The following KANK1 variants were observed in gnomAD, a reference collection of about 807,000 sequenced individuals.
KANK1 encodes KN motif and ankyrin repeat domain-containing protein 1.
KANK1 carries 109 observed loss-of-function variants against 106.2 expected under a neutral mutation model. The observed-to-expected ratio is 1.03, with a 90% CI of 0.88 to 1.20. KANK1 has a LOEUF of 1.20. Ranked by LOEUF, KANK1 falls within the 50% of genes most tolerant of loss-of-function variation. The probability of loss-of-function intolerance (pLI) is 0.00; values close to 1 mark genes in which losing one functional copy is unlikely to be tolerated. For synonymous variants in KANK1, 873 were observed against 652.2 expected (o/e 1.34, Z -5.16); for missense variants, 2,399 against 1,710.7 (o/e 1.40, Z -7.10).
intron 1 of KANK1, among the ~76,000 whole-genome samples, chr9:633,880 G>C (rs1836425263): frequency 6.6e-6 from 1 of 152,144 alleles, no homozygotes; most frequent in Non-Finnish European, 1.5e-5. Flanking sequence ...CCAACTCCTA[G>C]CTTCAAGTGA....
At chr9:506,763 C>T (rs1386955322) in intron 1 of KANK1, among the ~76,000 whole-genome samples, 1 of 151,728 alleles carries the variant, frequency 6.6e-6, no homozygotes, top group Admixed American at 6.6e-5. Context: ...ACTTTTTATC[C>T]CAAGTGGGAG....
chr9:604,646 A>C (rs945289903), intron 1 of KANK1, among the ~76,000 whole-genome samples: 2 of 151,746 alleles, frequency 1.3e-5, no homozygotes, highest in Non-Finnish European at 1.5e-5. Context: ...AGTCTGGCCA[A>C]CATGGCGAAA....
At chr9:625,451 G>C (rs143086478) in intron 1 of KANK1, among the ~76,000 whole-genome samples, 5 of 152,072 alleles carry the variant, frequency 3.3e-5, no homozygotes, top group Non-Finnish European at 5.9e-5. Flanking sequence ...CAAATCTTGG[G>C]CCTCCAAGAT....
At chr9:502,579 A>C (rs1039414086), upstream of KANK1, among the ~76,000 whole-genome samples, 1 of 151,134 alleles carries the variant, frequency 6.6e-6, no homozygotes, top group Non-Finnish European at 1.5e-5. Context: ...GCCAAAGTGC[A>C]GTGGCATGAT....
rs529067530 is a variant in KANK1, at chr9:626,847, G to A, written c.-83-50043G>A. 8.5e-5 allele frequency among the ~76,000 whole-genome samples: 13 copies of A among 152,316 alleles called. No homozygotes were observed. In the East Asian group the frequency reaches 2.5e-3, roughly 29 times the overall value. Reference sequence around the variant, plus strand: ...CATGATGCTTTCACAATAGCAGATTGAAGTTAGACTCCAGAAGACAGCTTT... The same window carrying A: ...CATGATGCTTTCACAATAGCAGATTAAAGTTAGACTCCAGAAGACAGCTTT... On this transcript the variant is annotated intron_variant, in intron 1 of 11. Transcript: ENST00000382297.
At chr9:654,566 A>T (rs1399016767) in intron 1 of KANK1, among the ~76,000 whole-genome samples, 1 of 128,460 alleles carries the variant, frequency 7.8e-6, no homozygotes, top group African/African-American at 3.8e-5. Flanking sequence ...ACAATGTAAT[A>T]TATTTACCAC....
At position 734,776 on chromosome 9, in the gene KANK1, G is replaced by A. The variant is rs1232488531; in HGVS notation, c.3274G>A (p.Ala1092Thr). 1.2e-6 allele frequency: 2 copies of A among 1,613,266 alleles called. No individual in the cohort carries two copies. Among genetic ancestry groups the A allele is most frequent in the Non-Finnish European group, 1.7e-6 (2 of 1,179,222 alleles). ...RYELSEKMLS[A>T]CNLLKNTIND... ...TGAATTAAGTGAAAAGATGTTGTCT[G>A]CATGCAACTTACTGAAAAATACTAT... Residue 1092 changes from alanine to threonine, a missense_variant, in exon 7 of 12, where the codon GCA (alanine) becomes ACA (threonine). Coordinates refer to ENST00000382297, the MANE Select transcript of KANK1 (RefSeq NM_015158.5).
intron 1 of KANK1, among the ~76,000 whole-genome samples, chr9:611,645 G>C (rs186022787): frequency 2.9e-4 from 44 of 152,310 alleles, no homozygotes; most frequent in African/African-American, 1.0e-3. Context: ...AAATGACAGT[G>C]TCATTCTATT....
At chr9:581,082 C>T (rs544140079) in intron 1 of KANK1, among the ~76,000 whole-genome samples, 1 of 151,930 alleles carries the variant, frequency 6.6e-6, no homozygotes, top group African/African-American at 2.4e-5. Flanking sequence ...CACACCTACC[C>T]AGAACTCCTG....
chr9:633,714 A>G (rs1025315663), intron 1 of KANK1, among the ~76,000 whole-genome samples: 1 of 152,192 alleles, frequency 6.6e-6, no homozygotes, highest in African/African-American at 2.4e-5. Context: ...GTGCAGTGGC[A>G]TGTTCATAGC....
intron 3 of KANK1, among the ~76,000 whole-genome samples, chr9:725,573 A>G (rs771170490): frequency 1.3e-5 from 2 of 151,666 alleles, no homozygotes; most frequent in African/African-American, 2.4e-5. Flanking sequence ...CTCTTTTACT[A>G]TAGCGTCATT....
intron 1 of KANK1, among the ~76,000 whole-genome samples, chr9:518,664 A>G (rs1163989979): frequency 2.0e-5 from 3 of 151,606 alleles, no homozygotes; most frequent in Non-Finnish European, 4.4e-5. Context: ...AGGATGTAGT[A>G]TTTCCTGACT....
chr9:711,504 A>G lies in KANK1; in HGVS notation c.738A>G (p.Ser246=), dbSNP rs1826076231. 1 of 1,613,942 alleles carries G rather than the reference A, an allele frequency of 6.2e-7. No homozygotes were observed. Among genetic ancestry groups the G allele is most frequent in the South Asian group, 1.1e-5 (1 of 91,054 alleles). Residue 246 remains serine (S), a synonymous_variant, in exon 3 of 12, where the codon TCA becomes TCG. Coordinates refer to ENST00000382297, the MANE Select transcript of KANK1 (RefSeq NM_015158.5). ...GSSIRHSPLS[S]GISTPVTNVS... ...CCATCCGCCACAGCCCCCTGAGCTC[A>G]GGGATCTCCACCCCAGTGACCAACG...
intron 1 of KANK1, chr9:547,474 A>G (rs546001235): frequency 5.1e-4 from 73 of 143,298 alleles, no homozygotes; most frequent in African/African-American, 1.4e-3. Flanking sequence ...TGTGCAAGCA[A>G]TGAGACTGGG....
intron 2 of KANK1, among the ~76,000 whole-genome samples, chr9:472,637 C>T (rs1488609841): frequency 6.6e-6 from 1 of 152,206 alleles, no homozygotes; most frequent in Non-Finnish European, 1.5e-5. Context: ...TGCTTTCACT[C>T]CCTTGGAGCC....
chr9:559,939 A>G (rs1293009733), intron 1 of KANK1, among the ~76,000 whole-genome samples: 1 of 152,152 alleles, frequency 6.6e-6, no homozygotes. Flanking sequence ...TTTACCATGT[A>G]TTATAGTTAT....
chr9:652,734 C>G (rs1022828), intron 1 of KANK1, among the ~76,000 whole-genome samples: 46,429 of 152,036 alleles, frequency 0.31, 7,456 homozygotes, highest in East Asian at 0.55. Flanking sequence ...GCTTATAAAA[C>G]CACAAGAAAG....
chr9:665,421 C>G (rs1344644834), intron 1 of KANK1, among the ~76,000 whole-genome samples: 1 of 152,202 alleles, frequency 6.6e-6, no homozygotes, highest in East Asian at 1.9e-4. Context: ...ATTGAAGAGA[C>G]TGTCCTTTCC....
intron 3 of KANK1, among the ~76,000 whole-genome samples, chr9:715,435 T>A (rs1272812613): frequency 1.3e-5 from 2 of 152,224 alleles, no homozygotes; most frequent in African/African-American, 2.4e-5. Context: ...CTCCCCAAAC[T>A]GGGGTTTCTA....
Sources: gnomAD v4.1 joint callset for allele counts (sites outside exome capture counted in the v4.1 genomes callset) on GRCh38, gnomAD v4.1.1 for gene constraint, MANE v1.5 for transcripts, NCBI Gene and HGNC (gene_info 2026-07-23, HGNC 2026-07-21) for gene names.